The following MAN1A2 variants were observed in gnomAD, a reference collection of about 807,000 sequenced individuals.
MAN1A2 encodes the protein mannosidase alpha class 1A member 2, also known as mannosyl-oligosaccharide 1,2-alpha-mannosidase IB.
Under a neutral mutation model 75.7 loss-of-function variants are expected in MAN1A2, and 26 were observed. The observed-to-expected ratio is 0.34, with a 90% confidence interval of 0.25 to 0.48. The LOEUF (loss-of-function observed/expected upper bound fraction) is 0.48. MAN1A2 is among the 20% of genes least tolerant of loss of function. The pLI, the probability that MAN1A2 is intolerant of heterozygous loss-of-function variation, is 0.99. For synonymous variants in MAN1A2, 247 were observed against 264.6 expected (o/e 0.93, Z 0.65); for missense variants, 562 against 775.5 (o/e 0.72, Z 3.27).
In MAN1A2 at chr1:117,526,435, G is replaced by A. The variant is rs1652022466; in HGVS notation, c.*3478G>A. 6.6e-6 allele frequency: 1 copy of A among 151,608 alleles called. No homozygotes were observed. Among genetic ancestry groups the A allele is most frequent in the African/African-American group, 2.4e-5 (1 of 41,364 alleles). 9.4% of individuals were successfully genotyped at this position (151,608 alleles called of 1,614,324 possible). ...TTTATAATATATTTTAAAACAATGT[G>A]TTACTGTATAATACAACTATAATTG... is the stretch of plus-strand genomic sequence containing the variant. On this transcript the variant is annotated 3_prime_UTR_variant, in exon 13 of 13. Coordinates refer to ENST00000356554, the MANE Select transcript of MAN1A2 (RefSeq NM_006699.5).
chr1:117,404,741 G>A (rs1410620548), intron 2 of MAN1A2, among the ~76,000 whole-genome samples: 1 of 152,036 alleles, frequency 6.6e-6, no homozygotes, highest in Non-Finnish European at 1.5e-5. Flanking sequence ...GCCAAATTCT[G>A]CTTGCTGTCT....
chr1:117,465,253 ATGAT>A (rs2101840931), intron 7 of MAN1A2, among the ~76,000 whole-genome samples: 1 of 152,326 alleles, frequency 6.6e-6, no homozygotes, highest in South Asian at 2.1e-4. Context: ...CAGAAAGAAA[ATGAT>A]AGATAAGGAA....
At chr1:117,429,135 A>G (rs1230407693) in intron 5 of MAN1A2, among the ~76,000 whole-genome samples, 5 of 147,414 alleles carry the variant, frequency 3.4e-5, no homozygotes, top group South Asian at 2.1e-4. Context: ...TCACAGATCA[A>G]CAGGATCCCA....
chr1:117,493,519 G>A (rs942869975), intron 9 of MAN1A2: 4 of 264,456 alleles, frequency 1.5e-5, no homozygotes, highest in African/African-American at 2.3e-5. Flanking sequence ...AGTGGCTCAC[G>A]CCTGTAATCT....
intron 5 of MAN1A2, among the ~76,000 whole-genome samples, chr1:117,420,928 C>CCA (rs1210413890): frequency 6.6e-6 from 1 of 151,944 alleles, no homozygotes; most frequent in Non-Finnish European, 1.5e-5. Flanking sequence ...GCAATTAATT[C>CCA]CATGGCCCAA....
chr1:117,516,217 A>G (rs921694590), intron 12 of MAN1A2, among the ~76,000 whole-genome samples: 1 of 152,144 alleles, frequency 6.6e-6, no homozygotes, highest in Non-Finnish European at 1.5e-5. Context: ...AGGTAAACAA[A>G]TATGGCTAAG....
chr1:117,458,815 C>T (rs899623170), intron 6 of MAN1A2, among the ~76,000 whole-genome samples: 19 of 151,922 alleles, frequency 1.3e-4, no homozygotes, highest in African/African-American at 3.9e-4. Context: ...TGAGCCACCG[C>T]GCCTGGCAAA....
At chr1:117,389,542 G>A (rs1367619150) in intron 1 of MAN1A2, among the ~76,000 whole-genome samples, 1 of 152,168 alleles carries the variant, frequency 6.6e-6, no homozygotes, top group Admixed American at 6.5e-5. Context: ...CCCTGGACTG[G>A]TACTGATCTG....
chr1:117,425,612 T>C lies in MAN1A2; in HGVS notation c.855+4963T>C, dbSNP rs929305748. 3.3e-5 allele frequency among the ~76,000 whole-genome samples: 5 copies of C among 152,314 alleles called. No individual in the cohort carries two copies. In the East Asian group the frequency reaches 9.6e-4, roughly 29 times the overall value. On this transcript the variant is annotated intron_variant, in intron 5 of 12. Transcript: ENST00000356554. ...TAAAGAAAAACATCATATAATCTTA[T>C]TACATAACCACAGAAACATCTGACA... is the stretch of plus-strand genomic sequence containing the variant.
chr1:117,493,136 C>T lies in MAN1A2; in HGVS notation c.1169-11C>T. ...TTTACCTCTATCCTTCTGTTTTCTC[C>T]TTTGTTACAGATCATACATCTGTCG... On this transcript the variant is annotated splice_polypyrimidine_tract_variant and intron_variant, in intron 8 of 12. Transcript: ENST00000356554. The T allele has an allele frequency of 1.3e-6, 2 of 1,491,094 alleles. No individual in the cohort carries two copies. Among genetic ancestry groups the T allele is most frequent in the Non-Finnish European group, 1.9e-6 (2 of 1,069,504 alleles). 92.4% of individuals were successfully genotyped at this position (1,491,094 alleles called of 1,614,324 possible).
intron 5 of MAN1A2, among the ~76,000 whole-genome samples, chr1:117,433,306 T>A (rs766371776): frequency 3.3e-5 from 5 of 152,080 alleles, no homozygotes; most frequent in East Asian, 3.8e-4. Context: ...ATTCAAAATT[T>A]AAAAAAATCG....
chr1:117,451,283 A>G (rs994864361), intron 6 of MAN1A2, among the ~76,000 whole-genome samples: 1 of 152,162 alleles, frequency 6.6e-6, no homozygotes, highest in Non-Finnish European at 1.5e-5. Flanking sequence ...TGGCCAATTT[A>G]TCCCATTTGG....
chr1:117,383,369 A>AT (rs1393074315), intron 1 of MAN1A2, among the ~76,000 whole-genome samples: 1 of 152,074 alleles, frequency 6.6e-6, no homozygotes, highest in African/African-American at 2.4e-5. Flanking sequence ...GTTTGCTAGT[A>AT]TTTTGAGGAT....
At chr1:117,512,935 A>G (rs972108954) in intron 12 of MAN1A2, among the ~76,000 whole-genome samples, 3 of 152,122 alleles carry the variant, frequency 2.0e-5, no homozygotes, top group African/African-American at 4.8e-5. Flanking sequence ...GCAATACACA[A>G]TAAGGCTATT....
At chr1:117,395,630 T>C (rs1181570064) in intron 1 of MAN1A2, among the ~76,000 whole-genome samples, 1 of 152,182 alleles carries the variant, frequency 6.6e-6, no homozygotes, top group Non-Finnish European at 1.5e-5. Context: ...ATATTACTTA[T>C]GGGATATCCA....
chr1:117,486,905 A>C (rs1438912130), intron 8 of MAN1A2, among the ~76,000 whole-genome samples: 1 of 152,040 alleles, frequency 6.6e-6, no homozygotes, highest in Non-Finnish European at 1.5e-5. Flanking sequence ...AACAAATAAA[A>C]AAAAGACTAT....
At chr1:117,407,289 T>TA (rs1356514871) in intron 3 of MAN1A2, among the ~76,000 whole-genome samples, 1 of 152,202 alleles carries the variant, frequency 6.6e-6, no homozygotes, top group Non-Finnish European at 1.5e-5. Flanking sequence ...GATTATTTTT[T>TA]ATAGTTTAAT....
intron 6 of MAN1A2, among the ~76,000 whole-genome samples, chr1:117,449,264 A>G (rs765515311): frequency 6.6e-5 from 10 of 152,130 alleles, no homozygotes. Flanking sequence ...CTTTAAATTA[A>G]AAGTTAGAAA....
At position 117,400,949 on chromosome 1, in the gene MAN1A2, A is replaced by G. The variant is rs577811924; in HGVS notation, c.303-1237A>G. Among the ~76,000 whole-genome samples the G allele has an allele frequency of 7.0e-4, 107 of 152,144 alleles. 1 individual carries two copies. Among genetic ancestry groups the G allele is most frequent in the African/African-American group, 2.6e-3 (106 of 41,512 alleles). On this transcript the variant is annotated intron_variant, in intron 1 of 12. Coordinates refer to ENST00000356554, the MANE Select transcript of MAN1A2 (RefSeq NM_006699.5). ...ATATTGTTGTACAACCATCACCATC[A>G]TCCATTTCCAGAACTCTTTTCATCT... is the stretch of plus-strand genomic sequence containing the variant.
Sources: allele counts gnomAD v4.1 joint callset (sites outside exome capture counted in the v4.1 genomes callset), GRCh38; gene constraint gnomAD v4.1.1; transcripts MANE v1.5; gene names NCBI Gene and HGNC (gene_info 2026-07-23, HGNC 2026-07-21).